The following PALM2AKAP2 variants were observed in gnomAD, a reference collection of about 807,000 sequenced individuals.
PALM2AKAP2 encodes the protein PALM2-AKAP2 fusion protein.
In PALM2AKAP2, 37 loss-of-function variants were observed where a neutral mutation model predicts 71.5. The observed-to-expected ratio is 0.52, with a 90% CI of 0.40 to 0.68. PALM2AKAP2 has a LOEUF of 0.68. Ranked by LOEUF, PALM2AKAP2 falls within the 30% of genes least tolerant of loss-of-function variation. The probability of loss-of-function intolerance (pLI) is 0.00; values close to 1 mark genes in which losing one functional copy is unlikely to be tolerated. For missense variants in PALM2AKAP2, 1,224 were observed against 1,191.8 expected, an observed-to-expected ratio of 1.03 and a Z score of -0.40; for synonymous variants, 468 against 478.8, an observed-to-expected ratio of 0.98 and a Z score of 0.29.
intron 1 of PALM2AKAP2, among the ~76,000 whole-genome samples, chr9:109,854,088 A>G (rs1046264021): frequency 2.6e-5 from 4 of 152,294 alleles, no homozygotes; most frequent in African/African-American, 9.6e-5. Flanking sequence ...CTTATCCTAA[A>G]GTACGTCTTT....
At chr9:109,787,595 C>T (rs10980039) in intron 1 of PALM2AKAP2, among the ~76,000 whole-genome samples, 2 of 152,196 alleles carry the variant, frequency 1.3e-5, no homozygotes, top group Non-Finnish European at 2.9e-5. Flanking sequence ...CAGATTGAGT[C>T]GAAAGTATTG....
In PALM2AKAP2 at chr9:110,123,639, C is replaced by A. The variant is rs143864581; in HGVS notation, c.157-12488C>A. On this transcript the variant is annotated intron_variant, in intron 1 of 3. Coordinates refer to ENST00000374525, the Ensembl canonical transcript of PALM2AKAP2. ...TTGTGTGTGTAGTGGACTCTGGCGT[C>A]TCTGAGACACCAGGTCATTTGCAAA... 8.5e-5 allele frequency among the ~76,000 whole-genome samples: 13 copies of A among 152,290 alleles called. 1 individual carries two copies. In the East Asian group the frequency reaches 2.5e-3, roughly 29 times the overall value.
chr9:109,698,783 A>G (rs1828011031), intron 1 of PALM2AKAP2, among the ~76,000 whole-genome samples: 1 of 152,196 alleles, frequency 6.6e-6, no homozygotes, highest in African/African-American at 2.4e-5. Context: ...TAAGCATTTA[A>G]TGATTCCTGT....
At chr9:109,923,652 T>C (rs1453494533) in intron 3 of PALM2AKAP2, 83 bp from the exon 4 acceptor site, 38 of 1,419,546 alleles carry the variant, frequency 2.7e-5, no homozygotes, top group South Asian at 8.1e-5. Context: ...AAGGTACAAA[T>C]CGCCCAACAG....
chr9:109,707,608 T>C (rs997930827), intron 1 of PALM2AKAP2, among the ~76,000 whole-genome samples: 63 of 152,322 alleles, frequency 4.1e-4, no homozygotes, highest in African/African-American at 1.5e-3. Flanking sequence ...TGTGACTAAA[T>C]GCTACTTAGT....
chr9:110,074,423 T>C (rs940564157), intron 1 of PALM2AKAP2, among the ~76,000 whole-genome samples: 9 of 152,198 alleles, frequency 5.9e-5, no homozygotes, highest in Admixed American at 5.2e-4. Context: ...CTAGATTGGA[T>C]CATTTTATTA....
chr9:109,683,008 A>G (rs1827758668), intron 1 of PALM2AKAP2, among the ~76,000 whole-genome samples: 2 of 152,176 alleles, frequency 1.3e-5, no homozygotes, highest in South Asian at 4.2e-4. Flanking sequence ...GTTTAGCACC[A>G]TGTCCTTGGT....
chr9:109,696,071 T>C (rs1827965723), intron 1 of PALM2AKAP2, among the ~76,000 whole-genome samples: 1 of 152,206 alleles, frequency 6.6e-6, no homozygotes, highest in South Asian at 2.1e-4. Flanking sequence ...AGACTCCCAG[T>C]TATCCTGATT....
At chr9:110,011,014 A>T (rs10980146) in intron 6 of PALM2AKAP2, among the ~76,000 whole-genome samples, 6,087 of 68,432 alleles carry the variant, frequency 0.089, 343 homozygotes, top group African/African-American at 0.14. Context: ...AAAAAAAAAA[A>T]ATATATATAT....
intron 3 of PALM2AKAP2, among the ~76,000 whole-genome samples, chr9:109,902,783 C>G (rs1206843135): frequency 6.6e-6 from 1 of 152,178 alleles, no homozygotes; most frequent in African/African-American, 2.4e-5. Flanking sequence ...TCCAAAGATA[C>G]ATATGACCGA....
intron 1 of PALM2AKAP2, among the ~76,000 whole-genome samples, chr9:109,819,498 G>T (rs574187683): frequency 3.9e-5 from 6 of 152,104 alleles, no homozygotes; most frequent in Non-Finnish European, 7.4e-5. Context: ...AGATTTTGAC[G>T]TGGCCAATAT....
intron 1 of PALM2AKAP2, among the ~76,000 whole-genome samples, chr9:109,799,123 G>T (rs536169483): frequency 6.6e-6 from 1 of 152,338 alleles, no homozygotes; most frequent in East Asian, 1.9e-4. Flanking sequence ...AAGGCCAGAG[G>T]ATTCTGTTAG....
At chr9:109,686,596 C>A (rs1827807944) in intron 1 of PALM2AKAP2, among the ~76,000 whole-genome samples, 1 of 151,960 alleles carries the variant, frequency 6.6e-6, no homozygotes. Flanking sequence ...GTGCTGCCAT[C>A]CAGGCTTTGT....
intron 1 of PALM2AKAP2, among the ~76,000 whole-genome samples, chr9:109,709,885 T>G (rs991409930): frequency 6.6e-6 from 1 of 152,212 alleles, no homozygotes; most frequent in African/African-American, 2.4e-5. Flanking sequence ...TAACCCCTAC[T>G]ACCTGTGAAT....
At chr9:109,680,326 A>G (rs1827710189) in intron 1 of PALM2AKAP2, among the ~76,000 whole-genome samples, 1 of 152,222 alleles carries the variant, frequency 6.6e-6, no homozygotes, top group South Asian at 2.1e-4. Flanking sequence ...TCAGAGCAGA[A>G]CAGTCACACG....
At chr9:109,688,996 A>C (rs956597150) in intron 1 of PALM2AKAP2, among the ~76,000 whole-genome samples, 1 of 152,176 alleles carries the variant, frequency 6.6e-6, no homozygotes, top group Non-Finnish European at 1.5e-5. Context: ...CAGTTCTTCC[A>C]TACTTCGCCA....
chr9:110,143,367 A>G (rs1836081550), intron 2 of PALM2AKAP2, among the ~76,000 whole-genome samples: 1 of 138,932 alleles, frequency 7.2e-6, no homozygotes, highest in South Asian at 2.4e-4. Flanking sequence ...GGCTGCAGTG[A>G]GCTGTGATCG....
At chr9:109,674,510 T>C (rs1240268153) in intron 1 of PALM2AKAP2, among the ~76,000 whole-genome samples, 2 of 152,034 alleles carry the variant, frequency 1.3e-5, no homozygotes, top group Non-Finnish European at 2.9e-5. Context: ...CTTAACTTTG[T>C]GGAGGGTTGA....
intron 7 of PALM2AKAP2, among the ~76,000 whole-genome samples, chr9:110,022,315 ACT>A (rs1196526571): frequency 6.6e-6 from 1 of 152,104 alleles, no homozygotes; most frequent in Non-Finnish European, 1.5e-5. Flanking sequence ...TGGGCAACAT[ACT>A]GAGACTCCAT....
Sources: gnomAD v4.1 joint callset for allele counts (sites outside exome capture counted in the v4.1 genomes callset) on GRCh38, gnomAD v4.1.1 for gene constraint, MANE v1.5 for transcripts, NCBI Gene and HGNC (gene_info 2026-07-23, HGNC 2026-07-21) for gene names.